Variants in OSER1 observed in about 807,000 individuals in gnomAD.
The protein encoded by OSER1 is oxidative stress-responsive serine-rich protein 1.
In OSER1, 15 loss-of-function variants were observed where a neutral mutation model predicts 26.3. The observed-to-expected ratio is 0.57, with a 90% CI of 0.38 to 0.88. OSER1 has a LOEUF of 0.88. Among genes scored for constraint, OSER1 ranks in the 40% least tolerant of loss-of-function variants. The pLI is 0.00. For synonymous variants in OSER1, 127 were observed against 128.2 expected (o/e 0.99, Z 0.07); for missense variants, 313 against 353.9 (o/e 0.88, Z 0.93).
At chr20:44,204,982 C>A (rs2073024317) in intron 2 of OSER1, among the ~76,000 whole-genome samples, 1 of 152,056 alleles carries the variant, frequency 6.6e-6, no homozygotes, top group African/African-American at 2.4e-5. Context: ...GGACTACAGG[C>A]ACGCACCACC....
intron 3 of OSER1, among the ~76,000 whole-genome samples, chr20:44,202,398 A>G (rs1398117282): frequency 6.6e-6 from 1 of 152,204 alleles, no homozygotes; most frequent in Non-Finnish European, 1.5e-5. Context: ...AAAAAAGAAT[A>G]GAAAAAGACA....
At chr20:44,203,395 C>T (rs1467180475) in intron 2 of OSER1, among the ~76,000 whole-genome samples, 1 of 152,174 alleles carries the variant, frequency 6.6e-6, no homozygotes, top group Non-Finnish European at 1.5e-5. Flanking sequence ...GACCATTTAT[C>T]TTATGCGGGC....
rs779041131 is a variant in OSER1 at position 44,207,000 on chromosome 20, T to C, written c.-41-2A>G. On this transcript the variant is annotated splice_acceptor_variant, in intron 1 of 3. Coordinates refer to ENST00000255174, the MANE Select transcript of OSER1 (RefSeq NM_016470.8). LOFTEE classifies it low-confidence loss of function (5UTR_SPLICE). ...TACTTATCGATGTTCCTGTTTACAC[T>C]AAAAAAGAAAATAAAGTGAGCAAAG... The C allele has an allele frequency of 9.6e-6, 14 of 1,452,024 alleles. No individual in the cohort carries two copies. Among genetic ancestry groups the C allele is most frequent in the Non-Finnish European group, 1.3e-5 (14 of 1,039,164 alleles). The allele number at this position is 1,452,024 out of a possible 1,614,324, so 89.9% of individuals were successfully genotyped here.
chr20:44,200,339 A>C (rs911063792), intron 3 of OSER1, among the ~76,000 whole-genome samples: 1 of 152,342 alleles, frequency 6.6e-6, no homozygotes, highest in Admixed American at 6.5e-5. Context: ...CTTTCAGGCT[A>C]GTCACTCTAT....
At chr20:44,210,270 A>G (rs970426341) in intron 1 of OSER1, among the ~76,000 whole-genome samples, 1 of 152,104 alleles carries the variant, frequency 6.6e-6, no homozygotes, top group African/African-American at 2.4e-5. Context: ...TCAGAACGAG[A>G]GGCTGGAGTC....
Position 44,202,987 on chromosome 20 carries a change from T to C in OSER1, c.165A>G (p.Thr55=), listed in dbSNP as rs529204339. 62 of 1,609,686 alleles carry C rather than the reference T, an allele frequency of 3.9e-5. No individual in the cohort carries two copies. The South Asian group carries it at 5.6e-4, about 15-fold the overall frequency. ...TATDDTKPKT[T]CASKDSWHGS... ...CGTGCCAACTGTCTTTAGATGCACATGTGGTTTTAGGTTTGGTATCATCTG... is the reference window on the plus strand; with the variant it reads ...CGTGCCAACTGTCTTTAGATGCACACGTGGTTTTAGGTTTGGTATCATCTG... The change falls in exon 3 of 4, where the codon ACA becomes ACG. Residue 55 remains threonine (T), a synonymous_variant. Transcript: ENST00000255174.
chr20:44,199,738 G>A (rs957362866), intron 3 of OSER1, among the ~76,000 whole-genome samples: 5 of 152,218 alleles, frequency 3.3e-5, no homozygotes, highest in African/African-American at 1.2e-4. Context: ...TAAGTCCTTA[G>A]TTAAGATGGA....
rs745891778 is a variant in OSER1, at chr20:44,206,918, G to A, written c.40C>T (p.Gln14Ter). The A allele has an allele frequency of 1.3e-6, 2 of 1,588,134 alleles. No individual in the cohort carries two copies. Among genetic ancestry groups the A allele is most frequent in the South Asian group, 1.1e-5 (1 of 90,394 alleles). Residue 14 changes from glutamine to a stop codon, truncating the protein, a stop_gained, in exon 2 of 4, where the codon CAG (glutamine) becomes TAG (stop). Transcript: ENST00000255174. LOFTEE classifies it high-confidence loss of function. ...EAKDGEEESL[Q>*]TAFKKLRVDA... is the part of the protein sequence containing the mutation. ...ACTCTTAATTTTTTGAAAGCAGTCTGTAGACTCTCCTCCTCTCCATCCTTG... is the reference window on the plus strand; with the variant it reads ...ACTCTTAATTTTTTGAAAGCAGTCTATAGACTCTCCTCCTCTCCATCCTTG...
intron 2 of OSER1, among the ~76,000 whole-genome samples, 183 bp downstream of exon 2, chr20:44,206,698 A>G (rs1012412950): frequency 1.6e-4 from 24 of 152,212 alleles, no homozygotes; most frequent in African/African-American, 5.8e-4. Flanking sequence ...AAATTTAACC[A>G]AAGGGTTTTC....
Position 44,197,735 on chromosome 20 carries a change from T to C in OSER1, c.196A>G (p.Thr66Ala), listed in dbSNP as rs745428737. The change falls in exon 4 of 4, where the codon ACA becomes GCA. Residue 66 changes from threonine to alanine, a missense_variant. Transcript: ENST00000255174. ...CASKDSWHGS[T>A]RKSSRGAVRT... ...ACTGCTCCTCGTGAAGACTTCCTTG[T>C]AGACCTAAAGAGGAAAAAAAATATA... The C allele has an allele frequency of 7.5e-6, 12 of 1,606,058 alleles. No individual in the cohort carries two copies. The highest frequency in any genetic ancestry group is 1.7e-5 in the Admixed American group (1 of 59,818).
In OSER1 at chr20:44,207,000, TA is replaced by T; in HGVS notation, c.-41-3del. The T allele has an allele frequency of 2.8e-6, 4 of 1,451,972 alleles. No homozygotes were observed. The highest frequency in any genetic ancestry group is 3.8e-6 in the Non-Finnish European group (4 of 1,039,120). 89.9% of individuals were successfully genotyped at this position (1,451,972 alleles called of 1,614,324 possible). On this transcript the variant is annotated splice_region_variant and splice_polypyrimidine_tract_variant and intron_variant, in intron 1 of 3. Coordinates refer to ENST00000255174, the MANE Select transcript of OSER1 (RefSeq NM_016470.8). ...TACTTATCGATGTTCCTGTTTACACTAAAAAAGAAAATAAAGTGAGCAAAGT... is the reference window on the plus strand; with the variant it reads ...TACTTATCGATGTTCCTGTTTACACTAAAAAGAAAATAAAGTGAGCAAAGT...
At chr20:44,199,977 C>G (rs1216721622) in intron 3 of OSER1, among the ~76,000 whole-genome samples, 1 of 152,238 alleles carries the variant, frequency 6.6e-6, no homozygotes, top group African/African-American at 2.4e-5. Flanking sequence ...TGGGTCAGAT[C>G]TGGCTCCCTG....
At chr20:44,210,383 A>G (rs555294766) in intron 1 of OSER1, among the ~76,000 whole-genome samples, 43 of 152,324 alleles carry the variant, frequency 2.8e-4, no homozygotes, top group Admixed American at 1.5e-3. Flanking sequence ...GGAAGGGGCA[A>G]AGGGCGGCCA....
At chr20:44,210,019 T>C (rs1241490180) in intron 1 of OSER1, 1 of 152,314 alleles carries the variant, frequency 6.6e-6, no homozygotes, top group Non-Finnish European at 1.5e-5. Context: ...CACCTCTCCG[T>C]GCAACCCACT....
rs1468902501 is a variant in OSER1, at chr20:44,196,991, T to C, written c.*61A>G. On this transcript the variant is annotated 3_prime_UTR_variant, in exon 4 of 4. Transcript: ENST00000255174. ...CACAAAGTGGCCACAAGGTCTGCCA[T>C]TAACTAAATCTCTTTGACAAGCCTT... 9.0e-6 allele frequency: 11 copies of C among 1,218,100 alleles called. No individual in the cohort carries two copies. Among genetic ancestry groups the C allele is most frequent in the Non-Finnish European group, 1.3e-5 (11 of 838,694 alleles). 75.5% of individuals were successfully genotyped at this position (1,218,100 alleles called of 1,614,324 possible).
intron 1 of OSER1, among the ~76,000 whole-genome samples, chr20:44,209,671 A>T (rs2073077741): frequency 6.6e-6 from 1 of 152,222 alleles, no homozygotes; most frequent in South Asian, 2.1e-4. Context: ...CCTTACAAAA[A>T]TTACAAAGTT....
chr20:44,208,867 G>A (rs1433738693), intron 1 of OSER1, among the ~76,000 whole-genome samples: 1 of 152,080 alleles, frequency 6.6e-6, no homozygotes, highest in Non-Finnish European at 1.5e-5. Context: ...GTCCTCTTTA[G>A]CCCTCTCTGG....
intron 3 of OSER1, among the ~76,000 whole-genome samples, chr20:44,201,837 T>C (rs141599446): frequency 1.7e-3 from 251 of 152,090 alleles, no homozygotes; most frequent in African/African-American, 5.5e-3. Flanking sequence ...TTGAAAACAA[T>C]TGTGTTTAAA....
chr20:44,207,605 T>C (rs2073050635), intron 1 of OSER1: 1 of 152,226 alleles, frequency 6.6e-6, no homozygotes, highest in Admixed American at 6.5e-5. Context: ...TGGAATAGTG[T>C]AATTAATTGT....
Sources: gnomAD v4.1 joint callset for allele counts (sites outside exome capture counted in the v4.1 genomes callset) on GRCh38, gnomAD v4.1.1 for gene constraint, MANE v1.5 for transcripts, NCBI Gene and HGNC (gene_info 2026-07-23, HGNC 2026-07-21) for gene names.